CADM2: variants seen among roughly 807,000 people sequenced by gnomAD.
CADM2 encodes cell adhesion molecule 2.
Under a neutral mutation model 49.8 loss-of-function variants are expected in CADM2, and 12 were observed. The observed-to-expected ratio is 0.24, with a 90% CI of 0.15 to 0.39. CADM2 has a LOEUF of 0.39. CADM2 is among the 10% of genes least tolerant of loss of function. The pLI is 1.00. For synonymous variants in CADM2, 214 were observed against 175.4 expected, an observed-to-expected ratio of 1.22 and a Z score of -1.74; for missense variants, 378 against 492.3, an observed-to-expected ratio of 0.77 and a Z score of 2.20.
intron 1 of CADM2, among the ~76,000 whole-genome samples, chr3:85,547,300 A>G (rs1424327374): frequency 6.6e-6 from 1 of 152,184 alleles, no homozygotes; most frequent in East Asian, 1.9e-4. Flanking sequence ...ATAAAATTCA[A>G]GCTGCTATTT....
intron 1 of CADM2, among the ~76,000 whole-genome samples, chr3:85,722,082 G>A (rs1234701856): frequency 6.6e-6 from 1 of 151,978 alleles, no homozygotes; most frequent in Non-Finnish European, 1.5e-5. Flanking sequence ...TCTGCAGCTC[G>A]TCTTCCTGAC....
chr3:85,725,472 C>A (rs1308081695), intron 1 of CADM2, among the ~76,000 whole-genome samples: 2 of 151,966 alleles, frequency 1.3e-5, no homozygotes, highest in Non-Finnish European at 2.9e-5. Context: ...TGGACTATTT[C>A]CTCCTTAACA....
At chr3:86,010,958 G>C (rs1731432897) in intron 8 of CADM2, among the ~76,000 whole-genome samples, 2 of 151,076 alleles carry the variant, frequency 1.3e-5, no homozygotes, top group Non-Finnish European at 3.0e-5. Context: ...AAAAATATAA[G>C]TTATAAAAAG....
At chr3:85,982,547 C>A (rs541539916) in intron 8 of CADM2, among the ~76,000 whole-genome samples, 1 of 151,752 alleles carries the variant, frequency 6.6e-6, no homozygotes, top group African/African-American at 2.4e-5. Flanking sequence ...TTCCTTCTAT[C>A]CTCATCAAAC....
At chr3:85,082,513 C>G (rs2037204664) in intron 1 of CADM2, among the ~76,000 whole-genome samples, 1 of 152,082 alleles carries the variant, frequency 6.6e-6, no homozygotes, top group South Asian at 2.1e-4. Flanking sequence ...AAATGCAAAG[C>G]CCTTTGCTCT....
chr3:85,621,060 C>T (rs1477989852), intron 1 of CADM2, among the ~76,000 whole-genome samples: 1 of 151,958 alleles, frequency 6.6e-6, no homozygotes, highest in Admixed American at 6.6e-5. Context: ...TAATATTCTT[C>T]AATAATGGGA....
intron 1 of CADM2, among the ~76,000 whole-genome samples, chr3:85,124,880 A>G (rs2038976142): frequency 6.6e-6 from 1 of 152,202 alleles, no homozygotes; most frequent in Admixed American, 6.5e-5. Flanking sequence ...GTACTCCAAG[A>G]CAGTTTCTGC....
intron 1 of CADM2, among the ~76,000 whole-genome samples, chr3:85,470,410 G>A (rs2038716003): frequency 1.3e-5 from 2 of 152,096 alleles, no homozygotes; most frequent in African/African-American, 4.8e-5. Flanking sequence ...CTGAAATATA[G>A]TAGATCTTTG....
At chr3:85,357,551 T>C (rs893968691) in intron 1 of CADM2, among the ~76,000 whole-genome samples, 1 of 152,114 alleles carries the variant, frequency 6.6e-6, no homozygotes, top group South Asian at 2.1e-4. Flanking sequence ...GAGCAATTAC[T>C]TTCCACATTT....
At chr3:85,188,863 C>A (rs2041131722) in intron 1 of CADM2, among the ~76,000 whole-genome samples, 1 of 151,698 alleles carries the variant, frequency 6.6e-6, no homozygotes, top group African/African-American at 2.4e-5. Context: ...AACCCCGTCT[C>A]TACTAAAAAT....
At chr3:85,204,827 T>G (rs1559719130) in intron 1 of CADM2, among the ~76,000 whole-genome samples, 2 of 151,996 alleles carry the variant, frequency 1.3e-5, no homozygotes, top group Non-Finnish European at 2.9e-5. Flanking sequence ...TATCTTTTTC[T>G]TTGCCTAAAG....
intron 5 of CADM2, among the ~76,000 whole-genome samples, chr3:85,909,468 G>A (rs1209031180): frequency 6.6e-6 from 1 of 151,392 alleles, no homozygotes; most frequent in East Asian, 1.9e-4. Context: ...AATAACAAGA[G>A]AGAGAAAAAG....
intron 1 of CADM2, among the ~76,000 whole-genome samples, chr3:85,481,956 A>G (rs1003094701): frequency 1.3e-5 from 2 of 151,748 alleles, no homozygotes; most frequent in African/African-American, 4.8e-5. Flanking sequence ...AATAATAAAC[A>G]GAGATCAATG....
chr3:85,911,964 CAG>C (rs112255120), intron 5 of CADM2, among the ~76,000 whole-genome samples: 9,986 of 148,786 alleles, frequency 0.067, 617 homozygotes, highest in African/African-American at 0.15. Context: ...TTTTTTTAGA[CAG>C]AGTCTTGCTC....
chr3:85,858,282 AC>A (rs1244383360), intron 3 of CADM2, among the ~76,000 whole-genome samples: 1 of 152,200 alleles, frequency 6.6e-6, no homozygotes, highest in East Asian at 1.9e-4. Flanking sequence ...TTGTTCATTA[AC>A]CCTTGAGGAA....
At chr3:85,456,337 A>G (rs1209440352) in intron 1 of CADM2, among the ~76,000 whole-genome samples, 1 of 152,116 alleles carries the variant, frequency 6.6e-6, no homozygotes, top group African/African-American at 2.4e-5. Context: ...ATCACTACAA[A>G]GTTAGATTTC....
At chr3:85,834,321 T>C (rs1261570892) in intron 3 of CADM2, among the ~76,000 whole-genome samples, 1 of 151,650 alleles carries the variant, frequency 6.6e-6, no homozygotes, top group African/African-American at 2.4e-5. Flanking sequence ...TAATATTCTA[T>C]ATATAAATCA....
chr3:85,854,864 T>G (rs2075248213), intron 3 of CADM2, among the ~76,000 whole-genome samples: 2 of 152,206 alleles, frequency 1.3e-5, no homozygotes, highest in Admixed American at 1.3e-4. Flanking sequence ...TCCTCCTTGT[T>G]TATTTTCCAT....
chr3:85,948,449 C>T (rs2108578681), intron 7 of CADM2, among the ~76,000 whole-genome samples: 1 of 151,412 alleles, frequency 6.6e-6, no homozygotes, highest in East Asian at 2.0e-4. Flanking sequence ...TCTTGACTAT[C>T]ATTTCTGCAT....
Sources: gnomAD v4.1 joint callset for allele counts (sites outside exome capture counted in the v4.1 genomes callset) on GRCh38, gnomAD v4.1.1 for gene constraint, MANE v1.5 for transcripts, NCBI Gene and HGNC (gene_info 2026-07-23, HGNC 2026-07-21) for gene names.